The following GLTP variants were observed in gnomAD, a reference collection of about 807,000 sequenced individuals.
The protein encoded by GLTP is glycolipid transfer protein.
In GLTP, 22 loss-of-function variants were observed where a neutral mutation model predicts 24.0. That is an observed-to-expected ratio of 0.92 (90% confidence interval 0.65 to 1.31). The LOEUF (loss-of-function observed/expected upper bound fraction) is 1.31. Ranked by LOEUF, GLTP falls within the 50% of genes most tolerant of loss-of-function variation. The pLI is 0.00. For synonymous variants in GLTP, 92 were observed against 115.9 expected (o/e 0.79, Z 1.33); for missense variants, 224 against 276.6 (o/e 0.81, Z 1.35).
At chr12:109,863,820 A>C (rs1466552602) in intron 1 of GLTP, among the ~76,000 whole-genome samples, 1 of 146,178 alleles carries the variant, frequency 6.8e-6, no homozygotes, top group Non-Finnish European at 1.5e-5. Flanking sequence ...CTTCCAGTGA[A>C]GAAGAGATGA....
At position 109,855,693 on chromosome 12, in the gene GLTP, G is replaced by A. The variant is rs774256777; in HGVS notation, c.373C>T (p.Arg125Cys). The change falls in exon 4 of 5, where the codon CGT becomes TGT. Residue 125 changes from arginine (R) to cysteine (C), a missense_variant. Arg to Cys is a radical substitution (Grantham distance 180, BLOSUM62 -3). Coordinates refer to ENST00000318348, the MANE Select transcript of GLTP (RefSeq NM_016433.4). The surrounding 1 kb of genome is among the most constrained non-coding windows in gnomAD (Gnocchi z 4.1). The part of the protein sequence containing the change: ...ERDENHPNLI[R>C]VNATKAYEMA... ...TCGTAGGCCTTGGTGGCGTTGACAC[G>A]GATGAGGTTGGGGTGGTTCTCGTCC... is the stretch of plus-strand genomic sequence containing the variant. The A allele has an allele frequency of 5.6e-5, 90 of 1,609,102 alleles. No homozygotes were observed. The highest frequency in any genetic ancestry group is 1.7e-4 in the Middle Eastern group (1 of 6,046).
rs1442340100 is a variant in GLTP at position 109,851,519 on chromosome 12, C to A, written c.*1036G>T. 6 of 152,164 alleles carry A rather than the reference C, an allele frequency of 3.9e-5. No individual in the cohort carries two copies. The East Asian group carries it at 5.8e-4, about 15-fold the overall frequency. 9.4% of individuals were successfully genotyped at this position (152,164 alleles called of 1,614,324 possible). ...CTTTTTAAAAAATCCCACATAGGGG[C>A]CCTGCATAATTTTAAATCAAACTCT... is the stretch of plus-strand genomic sequence containing the variant. On this transcript the variant is annotated 3_prime_UTR_variant, in exon 5 of 5. Coordinates refer to ENST00000318348, the MANE Select transcript of GLTP (RefSeq NM_016433.4).
At chr12:109,863,194 G>T (rs1425040171) in intron 1 of GLTP, among the ~76,000 whole-genome samples, 1 of 150,988 alleles carries the variant, frequency 6.6e-6, no homozygotes, top group Non-Finnish European at 1.5e-5. Flanking sequence ...AGTACTATTT[G>T]CTGTAAAATT....
chr12:109,874,618 G>A (rs1002542625), intron 1 of GLTP, among the ~76,000 whole-genome samples: 5 of 152,172 alleles, frequency 3.3e-5, no homozygotes, highest in Non-Finnish European at 5.9e-5. Flanking sequence ...GACCTGGAGT[G>A]GCTGTGTTAA....
intron 1 of GLTP, among the ~76,000 whole-genome samples, chr12:109,871,759 G>A (rs758256425): frequency 6.6e-6 from 1 of 152,202 alleles, no homozygotes; most frequent in Admixed American, 6.5e-5. Context: ...TTATGATCAC[G>A]GTCATACGTT....
chr12:109,866,665 G>C (rs933640945), intron 1 of GLTP, among the ~76,000 whole-genome samples: 5 of 152,042 alleles, frequency 3.3e-5, no homozygotes, highest in African/African-American at 1.2e-4. Flanking sequence ...TAAAGATGTA[G>C]CCCAGAAATG....
rs1892789029 is a variant in GLTP, at chr12:109,855,802, C to T, written c.297-33G>A. ...CCAGGGAGGAGAAGGTTCGTTAGGA[C>T]CCTGCACAGCCCTGTCGTGAAAGAC... On this transcript the variant is annotated intron_variant, in intron 3 of 4. Coordinates refer to ENST00000318348, the MANE Select transcript of GLTP (RefSeq NM_016433.4). The surrounding 1 kb of genome is among the most constrained non-coding windows in gnomAD (Gnocchi z 4.1). The T allele has an allele frequency of 1.3e-6, 2 of 1,514,090 alleles. No individual in the cohort carries two copies. The highest frequency in any genetic ancestry group is 2.8e-5 in the African/African-American group (2 of 71,350). 93.8% of individuals were successfully genotyped at this position (1,514,090 alleles called of 1,614,324 possible).
At chr12:109,867,477 T>G (rs1565899426) in intron 1 of GLTP, among the ~76,000 whole-genome samples, 1 of 152,086 alleles carries the variant, frequency 6.6e-6, no homozygotes. Context: ...AAATACCAAA[T>G]AGCCACCAGA....
intron 1 of GLTP, among the ~76,000 whole-genome samples, chr12:109,867,988 A>G (rs1044271034): frequency 1.3e-5 from 2 of 152,160 alleles, no homozygotes; most frequent in African/African-American, 4.8e-5. Flanking sequence ...CGTGTTAGCC[A>G]GGATGGTCGC....
At position 109,855,866 on chromosome 12, in the gene GLTP, G is replaced by T; in HGVS notation, c.297-97C>A. 1 of 997,460 alleles carries T rather than the reference G, an allele frequency of 1.0e-6. No homozygotes were observed. Among genetic ancestry groups the T allele is most frequent in the Non-Finnish European group, 1.4e-6 (1 of 697,382 alleles). 61.8% of individuals were successfully genotyped at this position (997,460 alleles called of 1,614,324 possible). On this transcript the variant is annotated intron_variant, in intron 3 of 4. Coordinates refer to ENST00000318348, the MANE Select transcript of GLTP (RefSeq NM_016433.4). This position sits in a 1 kb window ranked among gnomAD's most constrained non-coding sequence, Gnocchi z 4.1. ...GAATTTGCCACCTACTGTGAGCCAG[G>T]AACATGGGCGCCCCAGAGGGAGTGG...
chr12:109,877,704 T>G (rs1868931985), intron 1 of GLTP, among the ~76,000 whole-genome samples: 1 of 151,846 alleles, frequency 6.6e-6, no homozygotes, highest in Non-Finnish European at 1.5e-5. Context: ...CCAGAGCAGC[T>G]CCATTCAAGA....
At chr12:109,867,298 G>A (rs887577784) in intron 1 of GLTP, among the ~76,000 whole-genome samples, 1 of 151,716 alleles carries the variant, frequency 6.6e-6, no homozygotes, top group African/African-American at 2.4e-5. Flanking sequence ...ACAGGCGCAC[G>A]CCACCATGCC....
At position 109,852,051 on chromosome 12, in the gene GLTP, G is replaced by A. The variant is rs1892732064; in HGVS notation, c.*504C>T. 6.6e-6 allele frequency: 1 copy of A among 152,164 alleles called. No individual in the cohort carries two copies. Among genetic ancestry groups the A allele is most frequent in the Admixed American group, 6.6e-5 (1 of 15,258 alleles). 9.4% of individuals were successfully genotyped at this position (152,164 alleles called of 1,614,324 possible). On this transcript the variant is annotated 3_prime_UTR_variant, in exon 5 of 5. Coordinates refer to ENST00000318348, the MANE Select transcript of GLTP (RefSeq NM_016433.4). ...TTTAGTAGCGATGGGGTTTCACCAT[G>A]TTGGCCAGGCTGGTCTCAAACTCCC...
At chr12:109,865,700 G>T (rs1183009780) in intron 1 of GLTP, among the ~76,000 whole-genome samples, 1 of 152,040 alleles carries the variant, frequency 6.6e-6, no homozygotes, top group East Asian at 1.9e-4. Context: ...CCCTCAAAGT[G>T]CTGGGATTAC....
chr12:109,877,156 A>G (rs1254892785), intron 1 of GLTP, among the ~76,000 whole-genome samples: 1 of 152,162 alleles, frequency 6.6e-6, no homozygotes, highest in Non-Finnish European at 1.5e-5. Flanking sequence ...ACCAGCCCAT[A>G]CTTTTTTTTC....
chr12:109,869,405 C>T (rs982550497), intron 1 of GLTP, among the ~76,000 whole-genome samples: 3 of 150,524 alleles, frequency 2.0e-5, no homozygotes, highest in South Asian at 2.1e-4. Flanking sequence ...TAATTGCTCC[C>T]GGTTCAGGAA....
chr12:109,867,463 A>G (rs1161990733), intron 1 of GLTP, among the ~76,000 whole-genome samples: 1 of 152,092 alleles, frequency 6.6e-6, no homozygotes, highest in East Asian at 1.9e-4. Flanking sequence ...TCTTATAGAT[A>G]CTTAAATACC....
chr12:109,873,436 C>T (rs1411272006), intron 1 of GLTP, among the ~76,000 whole-genome samples: 1 of 151,974 alleles, frequency 6.6e-6, no homozygotes, highest in African/African-American at 2.4e-5. Context: ...AGTTCAAGAC[C>T]AGCCTAGCCA....
At chr12:109,874,884 C>T (rs919131634) in intron 1 of GLTP, among the ~76,000 whole-genome samples, 20 of 152,146 alleles carry the variant, frequency 1.3e-4, no homozygotes, top group African/African-American at 4.8e-4. Flanking sequence ...CTCAGCCTCC[C>T]GAGTAGTTGG....
Sources: gnomAD v4.1 joint callset for allele counts (sites outside exome capture counted in the v4.1 genomes callset) on GRCh38, gnomAD v4.1.1 for gene constraint, Gnocchi (gnomAD v3.1) non-coding constraint, MANE v1.5 for transcripts, NCBI Gene and HGNC (gene_info 2026-07-23, HGNC 2026-07-21) for gene names.